The following PRDM10 variants were observed in gnomAD, a reference collection of about 807,000 sequenced individuals.
The protein encoded by PRDM10 is PR/SET domain 10.
In PRDM10, 65 loss-of-function variants were observed where a neutral mutation model predicts 133.1. That is an observed-to-expected ratio of 0.49 (90% confidence interval 0.40 to 0.60). The LOEUF (loss-of-function observed/expected upper bound fraction) is 0.60, where lower values mean the gene tolerates loss of function less well. Ranked by LOEUF, PRDM10 falls within the 20% of genes least tolerant of loss-of-function variation. The probability of loss-of-function intolerance (pLI) is 0.00; values close to 1 mark genes in which losing one functional copy is unlikely to be tolerated. For synonymous variants in PRDM10, 582 were observed against 580.4 expected, an observed-to-expected ratio of 1.00 and a Z score of -0.04; for missense variants, 1,137 against 1,507.1, an observed-to-expected ratio of 0.75 and a Z score of 4.07.
At chr11:129,939,564 T>TTGCTACCTGCTCACTGCTCC (rs1458190043) in intron 7 of PRDM10, among the ~76,000 whole-genome samples, 2 of 152,194 alleles carry the variant, frequency 1.3e-5, no homozygotes, top group African/African-American at 2.4e-5. Flanking sequence ...GATGGAGCTC[T>TTGCTACCTGCTCACTGCTCC]TGCTACCTGC....
intron 8 of PRDM10, among the ~76,000 whole-genome samples, chr11:129,936,526 G>A (rs1268926303): frequency 9.9e-5 from 15 of 152,144 alleles, no homozygotes; most frequent in Admixed American, 6.5e-4. Flanking sequence ...GGTGGAGGGC[G>A]CCTGTAGTCC....
intron 9 of PRDM10, among the ~76,000 whole-genome samples, chr11:129,934,590 C>T (rs2135828113): frequency 6.6e-6 from 1 of 152,272 alleles, no homozygotes; most frequent in African/African-American, 2.4e-5. Context: ...TACTCCCCGA[C>T]CAAAACCCTC....
In PRDM10 at chr11:129,914,962, G is replaced by A; in HGVS notation, c.2583C>T (p.Asn861=). 6.2e-7 allele frequency: 1 copy of A among 1,611,824 alleles called. No homozygotes were observed. The highest frequency in any genetic ancestry group is 8.5e-7 in the Non-Finnish European group (1 of 1,177,960). Residue 861 remains asparagine, a synonymous_variant, in exon 17 of 21, where the codon AAC becomes AAT. Coordinates refer to ENST00000360871, the MANE Select transcript of PRDM10 (RefSeq NM_199437.2). ...CTGTCGTCAGTGGTGTGTGTATGGT[G>A]TTGGAGAGCTGGGCGAACTCTGGAT... The part of the protein sequence containing the change: ...KKHPEFAQLS[N]TIHTPLTTAV...
chr11:129,998,714 C>T lies in PRDM10; in HGVS notation c.-119+4008G>A, dbSNP rs529972231. ...GCTTTCTACAACACAAATTTAAAAT[C>T]TACACAAGGATGGTCAATGGAAAGG... On this transcript the variant is annotated intron_variant, in intron 1 of 20. Coordinates refer to ENST00000360871, the MANE Select transcript of PRDM10 (RefSeq NM_199437.2). Among the ~76,000 whole-genome samples, 4 of 152,070 alleles carry T rather than the reference C, an allele frequency of 2.6e-5. No homozygotes were observed. In the South Asian group the frequency reaches 8.3e-4, roughly 32 times the overall value.
intron 3 of PRDM10, among the ~76,000 whole-genome samples, chr11:129,956,393 A>G (rs1266581586): frequency 6.6e-6 from 1 of 152,132 alleles, no homozygotes. Context: ...GCAAAACACC[A>G]TCTCTACTAA....
chr11:130,002,759 C>T lies in PRDM10; in HGVS notation c.-156G>A, dbSNP rs1458881225. ...GAGGGGAGCTGGAAGATCAGCGGGTCCCCGATCCTCTCTCCCTAGGGGTGA... is the reference window on the plus strand; with the variant it reads ...GAGGGGAGCTGGAAGATCAGCGGGTTCCCGATCCTCTCTCCCTAGGGGTGA... On this transcript the variant is annotated 5_prime_UTR_variant, in exon 1 of 21. Coordinates refer to ENST00000360871, the MANE Select transcript of PRDM10 (RefSeq NM_199437.2). The T allele has an allele frequency of 6.0e-6, 1 of 165,940 alleles. No homozygotes were observed. Among genetic ancestry groups the T allele is most frequent in the Non-Finnish European group, 1.3e-5 (1 of 75,272 alleles). The allele number at this position is 165,940 out of a possible 1,614,324, so 10.3% of individuals were successfully genotyped here. A position where few individuals can be genotyped will look rare whatever the true frequency, so the allele number is the denominator to read the frequency against.
chr11:129,909,877 G>C (rs1233339554), intron 19 of PRDM10, among the ~76,000 whole-genome samples: 3 of 152,166 alleles, frequency 2.0e-5, no homozygotes, highest in African/African-American at 7.2e-5. Context: ...GTGGTTTAGA[G>C]TGGACACTCT....
At chr11:129,928,086 A>T (rs1950739065) in intron 11 of PRDM10, among the ~76,000 whole-genome samples, 1 of 152,162 alleles carries the variant, frequency 6.6e-6, no homozygotes, top group Non-Finnish European at 1.5e-5. Context: ...AGAGATCATA[A>T]AATGTTTCTA....
chr11:129,908,484 T>C (rs918187946), intron 19 of PRDM10, among the ~76,000 whole-genome samples: 8 of 152,152 alleles, frequency 5.3e-5, no homozygotes, highest in African/African-American at 1.7e-4. Flanking sequence ...ATGTTCTTTT[T>C]CTTTTAGAGG....
At chr11:129,939,852 GA>G (rs1951151509) in intron 7 of PRDM10, among the ~76,000 whole-genome samples, 1 of 152,192 alleles carries the variant, frequency 6.6e-6, no homozygotes, top group African/African-American at 2.4e-5. Flanking sequence ...GTCAATTGAG[GA>G]AAAAGACACA....
chr11:129,925,659 T>G (rs540283406), intron 11 of PRDM10, among the ~76,000 whole-genome samples: 1 of 151,994 alleles, frequency 6.6e-6, no homozygotes, highest in Non-Finnish European at 1.5e-5. Context: ...TTGAAATCCA[T>G]GAGAAAAAGA....
chr11:129,944,915 C>G lies in PRDM10; in HGVS notation c.618G>C (p.Ala206=), dbSNP rs148466018. 2.5e-6 allele frequency: 4 copies of G among 1,614,028 alleles called. No individual in the cohort carries two copies. The highest frequency in any genetic ancestry group is 1.7e-5 in the Admixed American group (1 of 59,984). ...CTATGTAGAGCACCAGGGGGAGGCT[C>G]GCCCTGGCCCGGGTGAGCACCGGCC... The part of the protein sequence containing the change: ...PNRPVLTRAR[A]SLPLVLYIDR... Residue 206 remains alanine, a synonymous_variant, in exon 6 of 21, where the codon GCG becomes GCC. Coordinates refer to ENST00000360871, the MANE Select transcript of PRDM10 (RefSeq NM_199437.2).
chr11:130,001,967 C>G (rs1289572044), intron 1 of PRDM10, among the ~76,000 whole-genome samples: 1 of 151,716 alleles, frequency 6.6e-6, no homozygotes, highest in African/African-American at 2.4e-5. Flanking sequence ...GGCCCCCCGC[C>G]CCGGTCCCGG....
At chr11:129,988,677 T>G (rs1370116467) in intron 1 of PRDM10, among the ~76,000 whole-genome samples, 1 of 151,992 alleles carries the variant, frequency 6.6e-6, no homozygotes, top group Admixed American at 6.6e-5. Flanking sequence ...TTGCCTGGGC[T>G]GGAGTGCAGT....
At chr11:129,969,874 A>C (rs2135943323) in intron 1 of PRDM10, among the ~76,000 whole-genome samples, 1 of 152,268 alleles carries the variant, frequency 6.6e-6, no homozygotes, top group Admixed American at 6.5e-5. Context: ...ATGTCAAGAA[A>C]CAGAAAACAC....
chr11:129,905,501 G>C (rs2135708968), intron 20 of PRDM10, 137 bp downstream of exon 20: 2 of 707,264 alleles, frequency 2.8e-6, no homozygotes, highest in South Asian at 1.7e-5. Context: ...TAATGCCCAA[G>C]ACCTAGCTTT....
chr11:129,958,671 C>G (rs1338723351), intron 2 of PRDM10, among the ~76,000 whole-genome samples: 2 of 152,022 alleles, frequency 1.3e-5, no homozygotes, highest in African/African-American at 4.8e-5. Flanking sequence ...AAAATCAGGT[C>G]ACTTTCTTTC....
chr11:129,942,411 C>A lies in PRDM10; in HGVS notation c.966+15G>T. The A allele has an allele frequency of 6.2e-7, 1 of 1,608,766 alleles. No individual in the cohort carries two copies. Among genetic ancestry groups the A allele is most frequent in the South Asian group, 1.1e-5 (1 of 90,764 alleles). ...CTTGCTAGCAAATAGCAGCACGGGT[C>A]AGGCAGCACTGTACCTTCAGTTCCT... On this transcript the variant is annotated intron_variant, in intron 7 of 20. Transcript: ENST00000360871.
intron 11 of PRDM10, among the ~76,000 whole-genome samples, chr11:129,926,610 G>A (rs1003350766): frequency 4.6e-5 from 7 of 152,184 alleles, no homozygotes; most frequent in Non-Finnish European, 1.5e-5. Context: ...TAATTACTAT[G>A]TAACAAGAGA....
Sources: allele counts gnomAD v4.1 joint callset (sites outside exome capture counted in the v4.1 genomes callset), GRCh38; gene constraint gnomAD v4.1.1; transcripts MANE v1.5; gene names NCBI Gene and HGNC (gene_info 2026-07-23, HGNC 2026-07-21).